AGBL1: variants seen among roughly 807,000 people sequenced by gnomAD.
AGBL1 encodes AGBL carboxypeptidase 1.
AGBL1 carries 130 observed loss-of-function variants against 118.9 expected under a neutral mutation model. The ratio of observed to expected loss-of-function variants is 1.09; its 90% CI spans 0.95 to 1.26. The LOEUF is 1.26. Among genes scored for constraint, AGBL1 ranks in the 50% most tolerant of loss-of-function variants. The pLI is 0.00. For synonymous variants in AGBL1, 555 were observed against 478.9 expected (o/e 1.16, Z -2.08); for missense variants, 1,584 against 1,298.1 (o/e 1.22, Z -3.38).
intron 16 of AGBL1, among the ~76,000 whole-genome samples, chr15:86,285,849 C>T (rs1241925606): frequency 6.6e-6 from 1 of 152,172 alleles, no homozygotes. Context: ...GTCCAGCCAA[C>T]ACTATTTTGA....
chr15:86,964,911 T>G (rs1424894518), intron 23 of AGBL1, among the ~76,000 whole-genome samples: 2 of 152,136 alleles, frequency 1.3e-5, no homozygotes, highest in Non-Finnish European at 2.9e-5. Flanking sequence ...GACAGTTTGT[T>G]GAGAATAATG....
chr15:86,147,352 G>A (rs13379723), intron 3 of AGBL1, among the ~76,000 whole-genome samples: 387 of 152,350 alleles, frequency 2.5e-3, no homozygotes, highest in African/African-American at 8.8e-3. Context: ...GGATTTCCCT[G>A]TCCTAGGTGA....
intron 1 of AGBL1, among the ~76,000 whole-genome samples, chr15:86,119,655 T>TTGTGTG (rs59997626): frequency 0.034 from 5,109 of 148,612 alleles, 148 homozygotes; most frequent in Admixed American, 0.089. Flanking sequence ...GAAAAGTAGT[T>TTGTGTG]TGTGTGTGTG....
intron 16 of AGBL1, among the ~76,000 whole-genome samples, chr15:86,291,374 AGAGACACATACACACACACAC>A (rs571271681): frequency 0.011 from 1,686 of 152,116 alleles, 30 homozygotes; most frequent in African/African-American, 0.036. Flanking sequence ...GCACACACAC[AGAGACACATACACACACACAC>A]CACACAGAGA....
intron 6 of AGBL1, among the ~76,000 whole-genome samples, chr15:86,236,403 T>C (rs1301013709): frequency 6.6e-6 from 1 of 151,450 alleles, no homozygotes; most frequent in Non-Finnish European, 1.5e-5. Flanking sequence ...TTCAATAAAA[T>C]GCATTGCACA....
At chr15:86,829,735 C>T (rs2079077665) in intron 22 of AGBL1, among the ~76,000 whole-genome samples, 1 of 152,034 alleles carries the variant, frequency 6.6e-6, no homozygotes, top group Non-Finnish European at 1.5e-5. Flanking sequence ...TAGTCACAGA[C>T]CTGTAGGAAT....
chr15:86,445,287 T>C (rs1383254070), intron 18 of AGBL1, among the ~76,000 whole-genome samples: 1 of 152,270 alleles, frequency 6.6e-6, no homozygotes, highest in Non-Finnish European at 1.5e-5. Flanking sequence ...GAATGTGCGA[T>C]AGCCTTTGGT....
At chr15:86,287,621 T>C (rs1214828060) in intron 16 of AGBL1, among the ~76,000 whole-genome samples, 2 of 152,202 alleles carry the variant, frequency 1.3e-5, no homozygotes, top group Non-Finnish European at 2.9e-5. Context: ...TTGCATGTTT[T>C]TGGCACCTCT....
intron 18 of AGBL1, among the ~76,000 whole-genome samples, chr15:86,417,602 C>T (rs1435148909): frequency 6.6e-6 from 1 of 152,186 alleles, no homozygotes; most frequent in Non-Finnish European, 1.5e-5. Context: ...GTTAGCCATA[C>T]AGATGCCCAG....
At chr15:86,279,980 G>A (rs562297940) in intron 16 of AGBL1, among the ~76,000 whole-genome samples, 197 bp downstream of exon 16, 1 of 152,306 alleles carries the variant, frequency 6.6e-6, no homozygotes, top group South Asian at 2.1e-4. Context: ...TCCCTGGACA[G>A]AGCACAAGGC....
chr15:86,440,484 G>GAATAAT (rs60498816), intron 18 of AGBL1, among the ~76,000 whole-genome samples: 2,969 of 144,432 alleles, frequency 0.021, 39 homozygotes, highest in East Asian at 0.041. Flanking sequence ...ATGGGATGGA[G>GAATAAT]AATAATAATA....
At chr15:86,125,097 T>C (rs1361966132) in intron 1 of AGBL1, among the ~76,000 whole-genome samples, 1 of 152,182 alleles carries the variant, frequency 6.6e-6, no homozygotes, top group Admixed American at 6.5e-5. Flanking sequence ...AGAACTTTGG[T>C]TTTCAGTCAT....
At position 86,081,298 on chromosome 15, in the gene AGBL1, C is replaced by T. The variant is rs563320089; in HGVS notation, c.51+1275C>T. On this transcript the variant is annotated intron_variant, in intron 1 of 22. Transcript: ENST00000614907. ...GACCTCAGGTAATCCACCTCGGCCTCCCAAAATGCTGGGATTACAGGCGTG... is the reference window on the plus strand; with the variant it reads ...GACCTCAGGTAATCCACCTCGGCCTTCCAAAATGCTGGGATTACAGGCGTG... Among the ~76,000 whole-genome samples, 3 of 152,196 alleles carry T rather than the reference C, an allele frequency of 2.0e-5. 1 individual carries two copies. Among genetic ancestry groups the T allele is most frequent in the African/African-American group, 7.2e-5 (3 of 41,528 alleles).
chr15:86,519,047 A>G (rs975246405), intron 18 of AGBL1, among the ~76,000 whole-genome samples: 3 of 152,072 alleles, frequency 2.0e-5, no homozygotes, highest in Admixed American at 1.3e-4. Flanking sequence ...TGAAGTGGAT[A>G]ATTTTTCCCT....
At chr15:86,112,214 G>GA (rs1463690695) in intron 1 of AGBL1, among the ~76,000 whole-genome samples, 2 of 152,058 alleles carry the variant, frequency 1.3e-5, no homozygotes, top group Non-Finnish European at 2.9e-5. Flanking sequence ...ACCCTGTCAT[G>GA]AAAAAATTGT....
At chr15:86,614,538 T>A (rs778217592) in intron 21 of AGBL1, among the ~76,000 whole-genome samples, 6 of 152,174 alleles carry the variant, frequency 3.9e-5, no homozygotes, top group Admixed American at 6.5e-5. Context: ...ATAAAACAGG[T>A]TTGAAATGAG....
chr15:86,343,721 T>C (rs986360119), intron 17 of AGBL1, among the ~76,000 whole-genome samples: 8 of 152,226 alleles, frequency 5.3e-5, no homozygotes, highest in African/African-American at 1.7e-4. Context: ...CTGGGGAAAT[T>C]TGTACCAACT....
At chr15:86,542,017 C>T (rs1230536802) in intron 19 of AGBL1, among the ~76,000 whole-genome samples, 1 of 152,218 alleles carries the variant, frequency 6.6e-6, no homozygotes, top group Non-Finnish European at 1.5e-5. Flanking sequence ...ACTTCATTGA[C>T]ATGAGTATAC....
intron 17 of AGBL1, among the ~76,000 whole-genome samples, chr15:86,311,582 C>T (rs2079921971): frequency 1.3e-5 from 2 of 152,088 alleles, no homozygotes; most frequent in East Asian, 1.9e-4. Flanking sequence ...AACCAAAACC[C>T]GGGTTTTCTC....
Sources: allele counts gnomAD v4.1 joint callset (sites outside exome capture counted in the v4.1 genomes callset), GRCh38; gene constraint gnomAD v4.1.1; transcripts MANE v1.5; gene names NCBI Gene and HGNC (gene_info 2026-07-23, HGNC 2026-07-21).